Variants in MAPK1IP1L observed in about 807,000 individuals in gnomAD.
MAPK1IP1L encodes the protein mitogen-activated protein kinase 1 interacting protein 1 like, also known as MAPK-interacting and spindle-stabilizing protein-like.
Under a neutral mutation model 18.1 loss-of-function variants are expected in MAPK1IP1L, and 10 were observed. The observed-to-expected ratio is 0.55, with a 90% confidence interval of 0.34 to 0.94. The LOEUF is 0.94. Ranked by LOEUF, MAPK1IP1L falls within the 40% of genes least tolerant of loss-of-function variation. The pLI, the probability that MAPK1IP1L is intolerant of heterozygous loss-of-function variation, is 0.02. For missense variants in MAPK1IP1L, 260 were observed against 318.2 expected, an observed-to-expected ratio of 0.82 and a Z score of 1.39; for synonymous variants, 115 against 117.3, an observed-to-expected ratio of 0.98 and a Z score of 0.13.
Position 55,066,297 on chromosome 14 carries a change from A to C in MAPK1IP1L, c.*1670A>C, listed in dbSNP as rs1594628377. The C allele has an allele frequency of 6.6e-6, 1 of 152,368 alleles. No individual in the cohort carries two copies. Among genetic ancestry groups the C allele is most frequent in the Admixed American group, 6.5e-5 (1 of 15,306 alleles). 9.4% of individuals were successfully genotyped at this position (152,368 alleles called of 1,614,324 possible). ...CCTTTGAGAGGAACATTCAGTGTTTAATCATCCCTTATGTTAACTAGATGA... is the reference window on the plus strand; with the variant it reads ...CCTTTGAGAGGAACATTCAGTGTTTCATCATCCCTTATGTTAACTAGATGA... On this transcript the variant is annotated 3_prime_UTR_variant, in exon 4 of 4. Transcript: ENST00000395468.
Position 55,064,580 on chromosome 14 carries a change from A to C in MAPK1IP1L, c.727-36A>C, listed in dbSNP as rs779119613. 42 of 1,606,622 alleles carry C rather than the reference A, an allele frequency of 2.6e-5. No homozygotes were observed. In the South Asian group the frequency reaches 4.0e-4, roughly 15 times the overall value. On this transcript the variant is annotated intron_variant, in intron 3 of 3. Coordinates refer to ENST00000395468, the MANE Select transcript of MAPK1IP1L (RefSeq NM_144578.4). ...AGGAGTTAATAAACTCCATTTGCAA[A>C]ATCTAGAAGTTGACTTTTTCTTTTT... is the stretch of plus-strand genomic sequence containing the variant.
intron 1 of MAPK1IP1L, among the ~76,000 whole-genome samples, chr14:55,059,351 G>T (rs115401058): frequency 4.7e-4 from 71 of 151,998 alleles, no homozygotes; most frequent in African/African-American, 1.6e-3. Context: ...AATAAAGTCA[G>T]CTGGGCACAG....
In MAPK1IP1L at chr14:55,064,673, G is replaced by A. The variant is rs757790307; in HGVS notation, c.*46G>A. ...TGACGCTTTGCTTTTTGAAGTACAT[G>A]TATATGCACATGAATGCATATATAA... On this transcript the variant is annotated 3_prime_UTR_variant, in exon 4 of 4. Coordinates refer to ENST00000395468, the MANE Select transcript of MAPK1IP1L (RefSeq NM_144578.4). The A allele has an allele frequency of 3.8e-6, 6 of 1,591,984 alleles. No individual in the cohort carries two copies. The East Asian group carries it at 9.0e-5, about 24-fold the overall frequency.
intron 1 of MAPK1IP1L, among the ~76,000 whole-genome samples, chr14:55,054,412 C>A (rs1224314968): frequency 1.3e-5 from 2 of 151,830 alleles, no homozygotes; most frequent in South Asian, 4.1e-4. Context: ...CAAAGTGCTG[C>A]GATTACAGGC....
chr14:55,070,002 G>A lies in MAPK1IP1L; in HGVS notation c.*5375G>A, dbSNP rs943114735. The A allele has an allele frequency of 2.6e-5, 4 of 152,162 alleles. No homozygotes were observed. The highest frequency in any genetic ancestry group is 5.9e-5 in the Non-Finnish European group (4 of 68,038). The allele number at this position is 152,162 out of a possible 1,614,324, so 9.4% of individuals were successfully genotyped here. A position where few individuals can be genotyped will look rare whatever the true frequency, so the allele number is the denominator to read the frequency against. On this transcript the variant is annotated 3_prime_UTR_variant, in exon 4 of 4. Transcript: ENST00000395468. ...TTCCTTGGAACTCCCAATTTCAGTA[G>A]GGCAATGAATGAATGAATACTTTGC... is the stretch of plus-strand genomic sequence containing the variant.
intron 1 of MAPK1IP1L, among the ~76,000 whole-genome samples, chr14:55,056,723 A>G (rs1163266313): frequency 6.6e-6 from 1 of 151,980 alleles, no homozygotes; most frequent in Non-Finnish European, 1.5e-5. Flanking sequence ...GTTAGCCAGG[A>G]TGGTCTCAAT....
chr14:55,059,589 A>ATC (rs1157770216), intron 1 of MAPK1IP1L, among the ~76,000 whole-genome samples: 1 of 152,236 alleles, frequency 6.6e-6, no homozygotes, highest in Non-Finnish European at 1.5e-5. Flanking sequence ...AGAAAAGAAT[A>ATC]AAGTCCACAA....
intron 1 of MAPK1IP1L, among the ~76,000 whole-genome samples, chr14:55,058,094 C>T (rs2042785914): frequency 6.6e-6 from 1 of 152,224 alleles, no homozygotes; most frequent in South Asian, 2.1e-4. Flanking sequence ...TGGACGCCAT[C>T]CCAGCACAGG....
Position 55,066,900 on chromosome 14 carries a change from ATTT to A in MAPK1IP1L, c.*2286_*2288del, listed in dbSNP as rs10545370. The A allele has an allele frequency of 2.7e-4, 39 of 144,466 alleles. No individual in the cohort carries two copies. The highest frequency in any genetic ancestry group is 3.2e-4 in the Non-Finnish European group (21 of 65,736). The allele number at this position is 144,466 out of a possible 1,614,324, so 8.9% of individuals were successfully genotyped here. ...ACTTTGCAACTGGTATTTGGGGGAGATTTTTTTTTTTTTTTGAGACGGAGTCTC... is the reference window on the plus strand; with the variant it reads ...ACTTTGCAACTGGTATTTGGGGGAGATTTTTTTTTTTTGAGACGGAGTCTC... On this transcript the variant is annotated 3_prime_UTR_variant, in exon 4 of 4. Coordinates refer to ENST00000395468, the MANE Select transcript of MAPK1IP1L (RefSeq NM_144578.4).
intron 1 of MAPK1IP1L, among the ~76,000 whole-genome samples, chr14:55,054,289 G>C (rs529397345): frequency 6.7e-6 from 1 of 149,500 alleles, no homozygotes; most frequent in South Asian, 2.2e-4. Context: ...GATTACAGGT[G>C]CCTTCCACCA....
intron 1 of MAPK1IP1L, among the ~76,000 whole-genome samples, chr14:55,056,458 TGTGATGTGATTGAC>T (rs938669146): frequency 3.9e-5 from 6 of 152,168 alleles, no homozygotes; most frequent in African/African-American, 9.7e-5. Context: ...AATTTTATTG[TGTGATGTGATTGAC>T]GTTAAACCTT....
At chr14:55,058,993 A>T (rs1428071649) in intron 1 of MAPK1IP1L, among the ~76,000 whole-genome samples, 2 of 152,014 alleles carry the variant, frequency 1.3e-5, no homozygotes, top group Non-Finnish European at 2.9e-5. Flanking sequence ...ACCATTTTAT[A>T]TCAGGTACTT....
At chr14:55,057,934 C>CA (rs773615388) in intron 1 of MAPK1IP1L, among the ~76,000 whole-genome samples, 14 of 150,392 alleles carry the variant, frequency 9.3e-5, no homozygotes, top group Non-Finnish European at 1.5e-4. Flanking sequence ...GACCCTGTCT[C>CA]AAAAAAAAAT....
At chr14:55,055,262 C>T (rs1004074623) in intron 1 of MAPK1IP1L, among the ~76,000 whole-genome samples, 4 of 152,154 alleles carry the variant, frequency 2.6e-5, no homozygotes, top group South Asian at 2.1e-4. Context: ...CTACCAAGCG[C>T]GGCTTAGAAT....
At chr14:55,059,225 GA>G (rs3078612) in intron 1 of MAPK1IP1L, among the ~76,000 whole-genome samples, 10,757 of 63,208 alleles carry the variant, frequency 0.17, 478 homozygotes, top group African/African-American at 0.23. Flanking sequence ...AGGAAAATCT[GA>G]AAAAAAAAAA....
rs2042830401 is a variant in MAPK1IP1L, at chr14:55,062,970, C to T, written c.371C>T (p.Pro124Leu). 6.2e-7 allele frequency: 1 copy of T among 1,613,224 alleles called. No individual in the cohort carries two copies. ...GPYPTPNMPFPELPRPYGAPT... is the reference protein window; with the variant it reads ...GPYPTPNMPFLELPRPYGAPT... ...TATCCTACACCAAATATGCCCTTTC[C>T]AGAGCTACCCAGACCATATGGTGCA... The change falls in exon 3 of 4, where the codon CCA becomes CTA. Residue 124 changes from proline (P) to leucine (L), a missense_variant. By Grantham distance (98) the Pro-to-Leu change is moderately conservative. Transcript: ENST00000395468.
rs147789413 is a variant in MAPK1IP1L at position 55,070,163 on chromosome 14, A to G, written c.*5536A>G. The G allele has an allele frequency of 1.3e-5, 2 of 152,208 alleles. No individual in the cohort carries two copies. The highest frequency in any genetic ancestry group is 2.9e-5 in the Non-Finnish European group (2 of 68,028). The allele number at this position is 152,208 out of a possible 1,614,324, so 9.4% of individuals were successfully genotyped here. A position where few individuals can be genotyped will look rare whatever the true frequency, so the allele number is the denominator to read the frequency against. Reference sequence around the variant, plus strand: ...CACCTAAAGTGGAGTTATGAAATGGATGGTGAAATAATAAGACCATTCTGG... The same window carrying G: ...CACCTAAAGTGGAGTTATGAAATGGGTGGTGAAATAATAAGACCATTCTGG... On this transcript the variant is annotated 3_prime_UTR_variant, in exon 4 of 4. Coordinates refer to ENST00000395468, the MANE Select transcript of MAPK1IP1L (RefSeq NM_144578.4).
In MAPK1IP1L at chr14:55,068,934, C is replaced by A. The variant is rs193262896; in HGVS notation, c.*4307C>A. 18 of 152,000 alleles carry A rather than the reference C, an allele frequency of 1.2e-4. No individual in the cohort carries two copies. Among genetic ancestry groups the A allele is most frequent in the African/African-American group, 4.3e-4 (18 of 41,430 alleles). 9.4% of individuals were successfully genotyped at this position (152,000 alleles called of 1,614,324 possible). ...CATACCCATTCATTATTAGTTTTAC[C>A]TAAACGTGTTAGGATCACTACTGGT... On this transcript the variant is annotated 3_prime_UTR_variant, in exon 4 of 4. Coordinates refer to ENST00000395468, the MANE Select transcript of MAPK1IP1L (RefSeq NM_144578.4).
In MAPK1IP1L at chr14:55,068,793, CTG is replaced by C. The variant is rs769730964; in HGVS notation, c.*4167_*4168del. The C allele has an allele frequency of 1.3e-5, 2 of 152,188 alleles. No homozygotes were observed. Among genetic ancestry groups the C allele is most frequent in the African/African-American group, 2.4e-5 (1 of 41,452 alleles). The allele number at this position is 152,188 out of a possible 1,614,324, so 9.4% of individuals were successfully genotyped here. A position where few individuals can be genotyped will look rare whatever the true frequency, so the allele number is the denominator to read the frequency against. On this transcript the variant is annotated 3_prime_UTR_variant, in exon 4 of 4. Coordinates refer to ENST00000395468, the MANE Select transcript of MAPK1IP1L (RefSeq NM_144578.4). ...GCAAGCTTCTGGCTGTCGAAAACATCTGAGTCATTTATTCAGTAGACAATATG... is the reference window on the plus strand; with the variant it reads ...GCAAGCTTCTGGCTGTCGAAAACATCAGTCATTTATTCAGTAGACAATATG...
Sources: gnomAD v4.1 joint callset for allele counts (sites outside exome capture counted in the v4.1 genomes callset) on GRCh38, gnomAD v4.1.1 for gene constraint, MANE v1.5 for transcripts, NCBI Gene and HGNC (gene_info 2026-07-23, HGNC 2026-07-21) for gene names.